Variants in MEGF6 observed in about 807,000 individuals in gnomAD.
The protein encoded by MEGF6 is multiple epidermal growth factor-like domains protein 6.
In MEGF6, 184 loss-of-function variants were observed where a neutral mutation model predicts 207.1. The ratio of observed to expected loss-of-function variants is 0.89; its 90% CI spans 0.79 to 1.00. MEGF6 has a LOEUF of 1.00. Ranked by LOEUF, MEGF6 falls within the 50% of genes least tolerant of loss-of-function variation. The probability of loss-of-function intolerance (pLI) is 0.00; values close to 1 mark genes in which losing one functional copy is unlikely to be tolerated. For synonymous variants in MEGF6, 1,038 were observed against 910.0 expected (o/e 1.14, Z -2.53); for missense variants, 2,282 against 2,202.9 (o/e 1.04, Z -0.72).
chr1:3,500,904 C>A, intron 20 of MEGF6, 62 bp downstream of exon 20: 1 of 1,608,142 alleles, frequency 6.2e-7, no homozygotes, highest in South Asian at 1.1e-5. Context: ...TGGGCAGAGG[C>A]CTCTCCAGGG....
intron 4 of MEGF6, among the ~76,000 whole-genome samples, chr1:3,537,212 C>T (rs761720977): frequency 6.6e-6 from 1 of 152,244 alleles, no homozygotes; most frequent in Non-Finnish European, 1.5e-5. Flanking sequence ...AGTGCCCAGC[C>T]CAGTCTACCT....
intron 3 of MEGF6, among the ~76,000 whole-genome samples, chr1:3,585,454 TGTGG>T (rs1173220319): frequency 2.1e-5 from 3 of 144,966 alleles, no homozygotes; most frequent in African/African-American, 7.9e-5. Flanking sequence ...ATGTCCTGTG[TGTGG>T]GTGTGAGTGA....
intron 4 of MEGF6, among the ~76,000 whole-genome samples, chr1:3,538,316 G>A (rs1309739479): frequency 6.7e-6 from 1 of 149,050 alleles, no homozygotes; most frequent in East Asian, 2.3e-4. Context: ...GCTTCTATCA[G>A]GAGCAGGGGG....
chr1:3,531,213 C>A (rs959982860), intron 4 of MEGF6: 13 of 1,493,140 alleles, frequency 8.7e-6, no homozygotes, highest in Non-Finnish European at 1.1e-5. Flanking sequence ...GGCACCAGAG[C>A]GCGGCCAGCC....
chr1:3,580,157 G>A (rs1643757869), intron 3 of MEGF6, among the ~76,000 whole-genome samples: 1 of 151,994 alleles, frequency 6.6e-6, no homozygotes, highest in Admixed American at 6.5e-5. Context: ...CCTCTGGAGG[G>A]CAGTAAAGCC....
intron 4 of MEGF6, among the ~76,000 whole-genome samples, chr1:3,540,433 G>A (rs1642480147): frequency 6.6e-6 from 1 of 152,194 alleles, no homozygotes; most frequent in Non-Finnish European, 1.5e-5. Flanking sequence ...CAGGAACGTG[G>A]CCCCAGCTTT....
At chr1:3,505,608 C>A in intron 15 of MEGF6, 52 bp from the exon 16 acceptor site, 3 of 1,490,628 alleles carry the variant, frequency 2.0e-6, no homozygotes, top group Non-Finnish European at 2.7e-6. Context: ...CCCACCCTCC[C>A]AGACCGCTTC....
intron 13 of MEGF6, 117 bp downstream of exon 13, chr1:3,508,441 G>T: frequency 1.6e-6 from 2 of 1,212,618 alleles, no homozygotes; most frequent in Non-Finnish European, 2.3e-6. Flanking sequence ...TCTGCACAGA[G>T]CCCCCTGCCC....
chr1:3,600,704 A>G (rs1448595534), intron 2 of MEGF6, among the ~76,000 whole-genome samples: 1 of 152,160 alleles, frequency 6.6e-6, no homozygotes, highest in Non-Finnish European at 1.5e-5. Flanking sequence ...GGGATTTGGG[A>G]GCACCCTGTG....
chr1:3,510,094 C>T (rs1641282022), intron 10 of MEGF6, 102 bp from the exon 11 acceptor site: 6 of 1,429,084 alleles, frequency 4.2e-6, no homozygotes, highest in Admixed American at 2.6e-5. Context: ...CCCTGGTGGC[C>T]CTGCCAGAGC....
intron 4 of MEGF6, among the ~76,000 whole-genome samples, chr1:3,553,223 T>C (rs1642936691): frequency 7.0e-6 from 1 of 143,662 alleles, no homozygotes; most frequent in Non-Finnish European, 1.5e-5. Flanking sequence ...AGGATGGGGA[T>C]CCACGGCCGA....
Position 3,509,066 on chromosome 1 carries a change from C to T in MEGF6, c.1528+9G>A, listed in dbSNP as rs551973543. The T allele has an allele frequency of 1.5e-5, 24 of 1,570,166 alleles. No homozygotes were observed. In the East Asian group the frequency reaches 3.5e-4, roughly 23 times the overall value. On this transcript the variant is annotated intron_variant, in intron 12 of 36. Coordinates refer to ENST00000356575, the MANE Select transcript of MEGF6 (RefSeq NM_001409.4). The stretch of plus-strand genomic sequence containing the variant: ...AGCAGGAGCCCCCGGGGGCTGGGCC[C>T]GCGCTCACCAAACTTCTCTGTGAGC...
chr1:3,490,620 A>G, intron 36 of MEGF6, 31 bp from the exon 37 acceptor site: 2 of 1,608,682 alleles, frequency 1.2e-6, no homozygotes, highest in Non-Finnish European at 8.5e-7. Context: ...GGGCCAGTCC[A>G]GGGTGGGGCG....
intron 23 of MEGF6, 150 bp from the exon 24 acceptor site, chr1:3,499,416 A>G (rs1640754886): frequency 7.2e-7 from 1 of 1,389,758 alleles, no homozygotes; most frequent in South Asian, 1.4e-5. Context: ...CCCACTCAGC[A>G]GAGTGGCCAC....
Position 3,573,919 on chromosome 1 carries a change from C to T in MEGF6, c.481+5906G>A, listed in dbSNP as rs898316263. Among the ~76,000 whole-genome samples, 1 of 152,172 alleles carries T rather than the reference C, an allele frequency of 6.6e-6. No homozygotes were observed. The highest frequency in any genetic ancestry group is 2.1e-4 in the South Asian group (1 of 4,830). On this transcript the variant is annotated intron_variant, in intron 4 of 36. Coordinates refer to ENST00000356575, the MANE Select transcript of MEGF6 (RefSeq NM_001409.4). This position sits in a 1 kb window ranked among gnomAD's most constrained non-coding sequence, Gnocchi z 5.1. ...TTTAGAAACAGTCGCCCTGAGCCAACGCCAAGGGCTAAACGGGCTCAGGAC... is the reference window on the plus strand; with the variant it reads ...TTTAGAAACAGTCGCCCTGAGCCAATGCCAAGGGCTAAACGGGCTCAGGAC...
Position 3,500,564 on chromosome 1 carries a change from T to C in MEGF6, c.2707+69A>G, listed in dbSNP as rs935489421. ...AGTACGGTCAAAGGCTTTGTGTGTG[T>C]GCACGTGTGCATATGTGTGCGTGTG... On this transcript the variant is annotated intron_variant, in intron 21 of 36. Transcript: ENST00000356575. 5.4e-5 allele frequency: 80 copies of C among 1,484,088 alleles called. 1 individual carries two copies. The African/African-American group carries it at 8.1e-4, about 15-fold the overall frequency. The allele number at this position is 1,484,088 out of a possible 1,614,324, so 91.9% of individuals were successfully genotyped here.
In MEGF6 at chr1:3,499,144, G is replaced by A; in HGVS notation, c.3088C>T (p.Leu1030=). ...ACTCCTAGATGTGGCTTACCCTGCA[G>A]GCAGGAGGGCCCCATCCAGCCAGGG... ...CAPGWMGPSC[L]QACPAGLYGD... is the part of the protein sequence containing the mutation. Residue 1030 remains leucine (L), a synonymous_variant, in exon 24 of 37, where the codon CTG becomes TTG. Coordinates refer to ENST00000356575, the MANE Select transcript of MEGF6 (RefSeq NM_001409.4). 1 of 1,604,348 alleles carries A rather than the reference G, an allele frequency of 6.2e-7. No homozygotes were observed. Among genetic ancestry groups the A allele is most frequent in the Non-Finnish European group, 8.5e-7 (1 of 1,176,940 alleles).
chr1:3,566,721 G>C (rs893637924), intron 4 of MEGF6, among the ~76,000 whole-genome samples: 1 of 152,216 alleles, frequency 6.6e-6, no homozygotes, highest in Non-Finnish European at 1.5e-5. Flanking sequence ...ACAGAGTCCA[G>C]GTCAGCTGCC....
chr1:3,491,775 TGG>T lies in MEGF6; in HGVS notation c.4517-818_4517-817del, dbSNP rs533521909. Among the ~76,000 whole-genome samples, 377 of 63,246 alleles carry T rather than the reference TGG, an allele frequency of 6.0e-3. 10 individuals carry two copies. Among genetic ancestry groups the T allele is most frequent in the African/African-American group, 0.014 (335 of 24,194 alleles). The allele number at this position is 63,246 out of a possible 152,430, so 41.5% of individuals were successfully genotyped here. On this transcript the variant is annotated intron_variant, in intron 35 of 36. Coordinates refer to ENST00000356575, the MANE Select transcript of MEGF6 (RefSeq NM_001409.4). ...CGCTGGGGGGTACACGGTGCGGGGG[TGG>T]GGGGGGGGGTGCGGGCAGCAAAGTC...
Sources: allele counts gnomAD v4.1 joint callset (sites outside exome capture counted in the v4.1 genomes callset), GRCh38; gene constraint gnomAD v4.1.1; non-coding constraint Gnocchi (gnomAD v3.1); transcripts MANE v1.5; gene names NCBI Gene and HGNC (gene_info 2026-07-23, HGNC 2026-07-21).